TASP1: variants seen among roughly 807,000 people sequenced by gnomAD.
The protein encoded by TASP1 is threonine aspartase 1.
TASP1 carries 16 observed loss-of-function variants against 56.6 expected under a neutral mutation model. The ratio of observed to expected loss-of-function variants is 0.28; its 90% CI spans 0.19 to 0.43. The LOEUF (loss-of-function observed/expected upper bound fraction) is 0.43, where lower values mean the gene tolerates loss of function less well. Ranked by LOEUF, TASP1 falls within the 20% of genes least tolerant of loss-of-function variation. The probability of loss-of-function intolerance (pLI) is 1.00; values close to 1 mark genes in which losing one functional copy is unlikely to be tolerated. For missense variants in TASP1, 393 were observed against 511.6 expected (o/e 0.77, Z 2.24); for synonymous variants, 179 against 184.2 (o/e 0.97, Z 0.23).
At chr20:13,376,787 C>T in the TASP1 span, among the ~76,000 whole-genome samples, 1 of 152,136 alleles carries the variant, frequency 6.6e-6, no homozygotes, top group Non-Finnish European at 1.5e-5. Context: ...TTGAAGAGGT[C>T]CTTCACAACC....
chr20:13,344,126 T>C, the TASP1 span, among the ~76,000 whole-genome samples: 23 of 152,244 alleles, frequency 1.5e-4, no homozygotes, highest in East Asian at 4.2e-3. Flanking sequence ...TTTAATTGAC[T>C]TTTTGATTGT....
chr20:13,216,943 C>A, the TASP1 span, among the ~76,000 whole-genome samples: 1 of 152,098 alleles, frequency 6.6e-6, no homozygotes, highest in East Asian at 1.9e-4. Context: ...AATTCAGTCA[C>A]GAGCATAGGA....
At position 13,422,030 on chromosome 20, in the gene TASP1, C is replaced by T. The variant is rs2042456248; in HGVS notation, c.1097-4509G>A. Among the ~76,000 whole-genome samples, 4 of 147,402 alleles carry T rather than the reference C, an allele frequency of 2.7e-5. No homozygotes were observed. The Admixed American group carries it at 2.7e-4, about 10-fold the overall frequency. ...GCAGTGGTGTGATCTCGGCTCACTGCAAGCTCTGCCTCCCGGGTTCACGCC... is the reference window on the plus strand; with the variant it reads ...GCAGTGGTGTGATCTCGGCTCACTGTAAGCTCTGCCTCCCGGGTTCACGCC... On this transcript the variant is annotated intron_variant, in intron 12 of 13. Transcript: ENST00000337743.
At chr20:13,370,487 A>T in the TASP1 span, among the ~76,000 whole-genome samples, 5 of 152,122 alleles carry the variant, frequency 3.3e-5, no homozygotes, top group African/African-American at 1.2e-4. Context: ...AAGTGGCATT[A>T]TTTTAAAATA....
intron 11 of TASP1, among the ~76,000 whole-genome samples, chr20:13,458,102 C>T (rs1252413957): frequency 1.3e-5 from 2 of 152,056 alleles, no homozygotes; most frequent in Non-Finnish European, 2.9e-5. Flanking sequence ...AAAATATAGT[C>T]AAGACAGTAG....
chr20:13,363,446 G>A, the TASP1 span, among the ~76,000 whole-genome samples: 3 of 152,258 alleles, frequency 2.0e-5, no homozygotes, highest in Non-Finnish European at 2.9e-5. Context: ...GTATATAGCT[G>A]TTCATCTGCA....
intron 13 of TASP1, among the ~76,000 whole-genome samples, chr20:13,406,685 T>G (rs558089624): frequency 1.3e-5 from 2 of 150,100 alleles, no homozygotes; most frequent in South Asian, 2.1e-4. Context: ...TTTTTTTTTT[T>G]TGAGACAGTC....
chr20:13,512,264 T>C (rs6042185), intron 10 of TASP1, among the ~76,000 whole-genome samples: 35,915 of 150,300 alleles, frequency 0.24, 4,420 homozygotes, highest in Middle Eastern at 0.3. Flanking sequence ...CTCTCCAGCA[T>C]CTGTTGTTTC....
chr20:13,600,293 G>GA (rs2047907278), intron 4 of TASP1, among the ~76,000 whole-genome samples: 1 of 152,100 alleles, frequency 6.6e-6, no homozygotes, highest in Non-Finnish European at 1.5e-5. Context: ...AAATGCAAAG[G>GA]AACTAGAATA....
At chr20:13,181,627 T>C in the TASP1 span, among the ~76,000 whole-genome samples, 2 of 152,196 alleles carry the variant, frequency 1.3e-5, no homozygotes, top group Admixed American at 6.5e-5. Flanking sequence ...GTGTCCGGTG[T>C]CTTTTAAACG....
chr20:13,563,864 A>G (rs1286239604), intron 7 of TASP1, among the ~76,000 whole-genome samples: 1 of 152,156 alleles, frequency 6.6e-6, no homozygotes, highest in Non-Finnish European at 1.5e-5. Flanking sequence ...TTCATAGTAA[A>G]AACACCAAAC....
chr20:13,381,820 G>A, the TASP1 span, among the ~76,000 whole-genome samples: 3 of 152,200 alleles, frequency 2.0e-5, no homozygotes, highest in African/African-American at 4.8e-5. Flanking sequence ...TTCTTTGTTT[G>A]CCCATCCCAG....
chr20:13,582,347 T>C (rs2047158037), intron 5 of TASP1, among the ~76,000 whole-genome samples: 1 of 151,402 alleles, frequency 6.6e-6, no homozygotes, highest in African/African-American at 2.4e-5. Flanking sequence ...TATAAATTTA[T>C]AACTTATAAC....
At chr20:13,234,701 A>T in the TASP1 span, among the ~76,000 whole-genome samples, 3 of 152,176 alleles carry the variant, frequency 2.0e-5, no homozygotes, top group Non-Finnish European at 1.5e-5. Flanking sequence ...TTCTCTGATA[A>T]TTAGTTATGT....
the TASP1 span, chr20:13,165,919 G>T: frequency 2.0e-5 from 3 of 152,186 alleles, no homozygotes; most frequent in African/African-American, 7.2e-5. Flanking sequence ...GAGAAAGTGG[G>T]CTTGCACACT....
chr20:13,119,077 C>T, the TASP1 span, among the ~76,000 whole-genome samples: 59,767 of 151,712 alleles, frequency 0.39, 11,720 homozygotes, highest in Admixed American at 0.41. Flanking sequence ...GTTAAATGTT[C>T]CCTTCCTAGA....
chr20:13,532,119 G>A (rs778906821), intron 9 of TASP1, among the ~76,000 whole-genome samples: 26 of 151,900 alleles, frequency 1.7e-4, no homozygotes, highest in Non-Finnish European at 2.8e-4. Context: ...ATGTTGGCCC[G>A]GCTGGTCTTG....
chr20:13,484,361 T>C (rs1465850510), intron 10 of TASP1, among the ~76,000 whole-genome samples: 2 of 152,222 alleles, frequency 1.3e-5, no homozygotes, highest in African/African-American at 2.4e-5. Context: ...TGCACCCGTA[T>C]GTTTCTAGCA....
intron 11 of TASP1, among the ~76,000 whole-genome samples, chr20:13,462,760 GA>G (rs1294018976): frequency 6.6e-6 from 1 of 151,944 alleles, no homozygotes; most frequent in Non-Finnish European, 1.5e-5. Flanking sequence ...AAATTAAGGG[GA>G]AAAATCCATT....
Sources: allele counts gnomAD v4.1 joint callset (sites outside exome capture counted in the v4.1 genomes callset), GRCh38; gene constraint gnomAD v4.1.1; transcripts MANE v1.5; gene names NCBI Gene and HGNC (gene_info 2026-07-23, HGNC 2026-07-21).